The following MAGI1 variants were observed in gnomAD, a reference collection of about 807,000 sequenced individuals.
The protein encoded by MAGI1 is membrane-associated guanylate kinase, WW and PDZ domain-containing protein 1.
A neutral mutation model predicts 139.9 loss-of-function variants in MAGI1; 58 were observed. The ratio of observed to expected loss-of-function variants is 0.41; its 90% CI spans 0.34 to 0.52. The LOEUF is 0.52. Among genes scored for constraint, MAGI1 ranks in the 20% least tolerant of loss-of-function variants. The pLI is 0.12. For synonymous variants in MAGI1, 812 were observed against 737.9 expected, an observed-to-expected ratio of 1.10 and a Z score of -1.63; for missense variants, 1,874 against 1,901.6, an observed-to-expected ratio of 0.99 and a Z score of 0.27.
At chr3:65,617,063 TA>T (rs774420169) in intron 2 of MAGI1, among the ~76,000 whole-genome samples, 1 of 152,240 alleles carries the variant, frequency 6.6e-6, no homozygotes, top group Non-Finnish European at 1.5e-5. Flanking sequence ...GGCTATCTTA[TA>T]AAGACCAGTA....
intron 12 of MAGI1, among the ~76,000 whole-genome samples, chr3:65,407,276 A>G (rs1052715044): frequency 6.6e-6 from 1 of 151,862 alleles, no homozygotes; most frequent in East Asian, 1.9e-4. Context: ...GCGAAACCCT[A>G]TCTCTACTAA....
intron 1 of MAGI1, among the ~76,000 whole-genome samples, chr3:65,912,115 G>C (rs1205372094): frequency 6.6e-6 from 1 of 151,862 alleles, no homozygotes; most frequent in African/African-American, 2.4e-5. Context: ...GTCATCTCTC[G>C]AGTCTAGATA....
intron 1 of MAGI1, among the ~76,000 whole-genome samples, chr3:65,825,163 G>C (rs2042156010): frequency 1.3e-5 from 2 of 152,100 alleles, no homozygotes; most frequent in South Asian, 2.1e-4. Context: ...TTACTTTTGG[G>C]AAAACTAATT....
intron 1 of MAGI1, chr3:65,874,890 T>C (rs1412095110): frequency 6.6e-6 from 1 of 152,494 alleles, no homozygotes; most frequent in Non-Finnish European, 1.5e-5. Flanking sequence ...GAAAAAAATA[T>C]GTATCTATAG....
chr3:65,970,405 G>A (rs1576307409), intron 1 of MAGI1, among the ~76,000 whole-genome samples: 2 of 152,158 alleles, frequency 1.3e-5, no homozygotes, highest in East Asian at 3.9e-4. Context: ...AAAAGTTGTG[G>A]AGAGGAATGG....
At chr3:65,387,020 T>G in intron 14 of MAGI1, 1 of 788,182 alleles carries the variant, frequency 1.3e-6, no homozygotes, top group Non-Finnish European at 2.1e-6. Context: ...CCAAAGCACT[T>G]CCCTTCATGC....
At chr3:65,820,424 C>A (rs759696407) in intron 1 of MAGI1, among the ~76,000 whole-genome samples, 1 of 152,106 alleles carries the variant, frequency 6.6e-6, no homozygotes, top group African/African-American at 2.4e-5. Context: ...TCCTCCATGT[C>A]AAGGGGCTGA....
At chr3:65,737,181 TTTTAGTAGAGACGGGG>T (rs1438047708) in intron 1 of MAGI1, among the ~76,000 whole-genome samples, 1 of 152,144 alleles carries the variant, frequency 6.6e-6, no homozygotes, top group Non-Finnish European at 1.5e-5. Context: ...TTTTTTGTAT[TTTTAGTAGAGACGGGG>T]TTTCACCGTG....
At chr3:65,406,792 G>A (rs1183654846) in intron 12 of MAGI1, among the ~76,000 whole-genome samples, 1 of 138,524 alleles carries the variant, frequency 7.2e-6, no homozygotes, top group Admixed American at 7.4e-5. Context: ...CACAGTTATA[G>A]ATCTCTCTCT....
intron 1 of MAGI1, among the ~76,000 whole-genome samples, chr3:65,743,284 T>C (rs767373235): frequency 2.0e-5 from 3 of 152,256 alleles, no homozygotes; most frequent in Non-Finnish European, 2.9e-5. Context: ...ATGTGCCTGA[T>C]ACTATAAAAT....
intron 1 of MAGI1, among the ~76,000 whole-genome samples, chr3:65,973,392 G>A (rs912207162): frequency 6.6e-6 from 1 of 151,986 alleles, no homozygotes; most frequent in Non-Finnish European, 1.5e-5. Context: ...GGTTGTACAC[G>A]ATTTAATAAG....
intron 1 of MAGI1, among the ~76,000 whole-genome samples, chr3:65,866,710 C>G (rs1048370576): frequency 1.3e-5 from 2 of 152,150 alleles, no homozygotes; most frequent in Non-Finnish European, 2.9e-5. Flanking sequence ...GTCACCTCCC[C>G]TCATCCCAGA....
chr3:65,530,741 GCA>G (rs2078644620), intron 2 of MAGI1, among the ~76,000 whole-genome samples: 5 of 103,038 alleles, frequency 4.9e-5, no homozygotes, highest in Admixed American at 1.1e-4. Flanking sequence ...ATATATATAT[GCA>G]CATATATATA....
intron 2 of MAGI1, among the ~76,000 whole-genome samples, chr3:65,510,557 A>G (rs1005270078): frequency 2.7e-5 from 4 of 147,848 alleles, no homozygotes; most frequent in African/African-American, 1.0e-4. Flanking sequence ...GGTATCAGCA[A>G]TGGAAGATGA....
chr3:65,808,281 A>C (rs932303937), intron 1 of MAGI1, among the ~76,000 whole-genome samples: 4 of 152,134 alleles, frequency 2.6e-5, no homozygotes, highest in African/African-American at 9.7e-5. Flanking sequence ...CATGGCGCCC[A>C]GCTGAGGTCA....
At chr3:65,360,583 C>T (rs928378760) in intron 22 of MAGI1, 5 of 985,040 alleles carry the variant, frequency 5.1e-6, no homozygotes, top group Non-Finnish European at 6.0e-6. Context: ...TTATTTCATC[C>T]TTTATCATTT....
chr3:65,603,522 C>T (rs2082579050), intron 2 of MAGI1, among the ~76,000 whole-genome samples: 1 of 152,134 alleles, frequency 6.6e-6, no homozygotes, highest in African/African-American at 2.4e-5. Context: ...GTTGATTGAA[C>T]CATAGAACGT....
chr3:66,038,154 G>A lies in MAGI1; in HGVS notation c.155C>T (p.Ala52Val). 1.2e-6 allele frequency: 2 copies of A among 1,611,830 alleles called. No individual in the cohort carries two copies. Residue 52 changes from alanine (A) to valine (V), a missense_variant, in exon 1 of 23, where the codon GCA becomes GTA. Coordinates refer to ENST00000402939, the MANE Select transcript of MAGI1 (RefSeq NM_001033057.2). ...PYVGAVAAVE[A>V]AGLPGGGEGP... ...CTCGCCGCCGCCGGGAAGCCCCGCT[G>A]CCTCGACCGCCGCCACCGCTCCGAC...
At chr3:65,812,485 C>CACACACGCACAA (rs1318966339) in intron 1 of MAGI1, among the ~76,000 whole-genome samples, 1 of 151,032 alleles carries the variant, frequency 6.6e-6, no homozygotes, top group Non-Finnish European at 1.5e-5. Flanking sequence ...CACACACACA[C>CACACACGCACAA]ACACACTTCT....
Sources: allele counts gnomAD v4.1 joint callset (sites outside exome capture counted in the v4.1 genomes callset), GRCh38; gene constraint gnomAD v4.1.1; transcripts MANE v1.5; gene names NCBI Gene and HGNC (gene_info 2026-07-23, HGNC 2026-07-21).